MYO1D: variants seen among roughly 807,000 people sequenced by gnomAD.
The protein encoded by MYO1D is unconventional myosin-Id.
Under a neutral mutation model 122.0 loss-of-function variants are expected in MYO1D, and 83 were observed. The observed-to-expected ratio is 0.68, with a 90% CI of 0.57 to 0.82. MYO1D has a LOEUF of 0.82. Among genes scored for constraint, MYO1D ranks in the 40% least tolerant of loss-of-function variants. The probability of loss-of-function intolerance (pLI) is 0.00; values close to 1 mark genes in which losing one functional copy is unlikely to be tolerated. For synonymous variants in MYO1D, 464 were observed against 446.9 expected (o/e 1.04, Z -0.48); for missense variants, 1,157 against 1,269.5 (o/e 0.91, Z 1.35).
chr17:32,734,181 G>A (rs183130338), intron 14 of MYO1D, among the ~76,000 whole-genome samples: 16 of 152,040 alleles, frequency 1.1e-4, no homozygotes, highest in Admixed American at 2.6e-4. Flanking sequence ...TCAGTTATTC[G>A]GATTCTTTAA....
rs74781309 is a variant in MYO1D at position 32,872,191 on chromosome 17, C to G, written c.95+4587G>C. On this transcript the variant is annotated intron_variant, in intron 1 of 21. Transcript: ENST00000318217. ...AAAGAAGGAGCCCTCACAATACAAG[C>G]AGGTTTTGTTATAAAGCAAGGAATA... Among the ~76,000 whole-genome samples the G allele has an allele frequency of 7.7e-4, 118 of 152,334 alleles. 2 individuals carry two copies. The highest frequency in any genetic ancestry group is 7.3e-3 in the East Asian group (38 of 5,190).
chr17:32,748,903 A>C (rs1327491849), intron 12 of MYO1D, 33 bp downstream of exon 12: 1 of 1,569,936 alleles, frequency 6.4e-7, no homozygotes, highest in Admixed American at 1.7e-5. Context: ...GGCGGCATGC[A>C]AATCATGGTA....
chr17:32,818,090 C>T (rs1048838030), intron 1 of MYO1D, among the ~76,000 whole-genome samples: 12 of 125,364 alleles, frequency 9.6e-5, no homozygotes, highest in African/African-American at 3.6e-4. Context: ...CCCGCCACTG[C>T]ACTCCAGCCT....
chr17:32,866,054 TG>T (rs2091121612), intron 1 of MYO1D, among the ~76,000 whole-genome samples: 1 of 152,202 alleles, frequency 6.6e-6, no homozygotes, highest in Non-Finnish European at 1.5e-5. Context: ...ATCACTATAT[TG>T]CCTAGGCTGG....
At chr17:32,799,171 G>A (rs1201081213) in intron 1 of MYO1D, among the ~76,000 whole-genome samples, 1 of 152,124 alleles carries the variant, frequency 6.6e-6, no homozygotes, top group Non-Finnish European at 1.5e-5. Flanking sequence ...AAATGTAGTG[G>A]CAAAGAAAAG....
intron 3 of MYO1D, among the ~76,000 whole-genome samples, chr17:32,777,579 C>T (rs1029035543): frequency 2.0e-5 from 3 of 152,190 alleles, no homozygotes; most frequent in Non-Finnish European, 4.4e-5. Context: ...GGGCCCCAGA[C>T]AGTAGAGATC....
intron 21 of MYO1D, among the ~76,000 whole-genome samples, chr17:32,508,272 T>C (rs1705944800): frequency 6.6e-6 from 1 of 150,988 alleles, no homozygotes; most frequent in Non-Finnish European, 1.5e-5. Flanking sequence ...AGCCACCCAG[T>C]CTATGGTATC....
At chr17:32,587,907 G>GAAA (rs1362208309) in intron 21 of MYO1D, among the ~76,000 whole-genome samples, 1 of 152,202 alleles carries the variant, frequency 6.6e-6, no homozygotes, top group African/African-American at 2.4e-5. Context: ...CTGTTGTTAT[G>GAAA]AAAACAAAAT....
Position 32,548,816 on chromosome 17 carries a change from C to T in MYO1D, c.2865-53901G>A, listed in dbSNP as rs557052008. The stretch of plus-strand genomic sequence containing the variant: ...GCAACCTCTGCCTCCCGGGTTCAAG[C>T]AATACTCCTGCCTCAGCCTCCCAAG... On this transcript the variant is annotated intron_variant, in intron 21 of 21. Transcript: ENST00000318217. Among the ~76,000 whole-genome samples the T allele has an allele frequency of 2.7e-5, 4 of 150,784 alleles. No homozygotes were observed. In the East Asian group the frequency reaches 7.9e-4, roughly 30 times the overall value.
chr17:32,636,767 C>T (rs2088105186), intron 20 of MYO1D, among the ~76,000 whole-genome samples: 1 of 152,216 alleles, frequency 6.6e-6, no homozygotes, highest in African/African-American at 2.4e-5. Flanking sequence ...TTATACCCCA[C>T]ACTTATCACA....
chr17:32,526,276 A>G (rs560065601), intron 21 of MYO1D, among the ~76,000 whole-genome samples: 4 of 152,280 alleles, frequency 2.6e-5, no homozygotes, highest in South Asian at 2.1e-4. Context: ...TATCAGCTCT[A>G]TATTGTTTCG....
chr17:32,868,843 T>G (rs1362474997), intron 1 of MYO1D, among the ~76,000 whole-genome samples: 1 of 152,186 alleles, frequency 6.6e-6, no homozygotes, highest in Non-Finnish European at 1.5e-5. Flanking sequence ...CATGATTCCC[T>G]ATTGGAAGCA....
At chr17:32,767,004 T>A (rs1555539238) in intron 7 of MYO1D, among the ~76,000 whole-genome samples, 1 of 152,230 alleles carries the variant, frequency 6.6e-6, no homozygotes, top group Non-Finnish European at 1.5e-5. Flanking sequence ...CTTGCTATAT[T>A]AAGTGAAAAG....
chr17:32,687,046 C>A (rs1232700064), intron 16 of MYO1D, among the ~76,000 whole-genome samples: 1 of 151,746 alleles, frequency 6.6e-6, no homozygotes, highest in Non-Finnish European at 1.5e-5. Flanking sequence ...CAGGTACTTA[C>A]AAAGTGTTCA....
intron 21 of MYO1D, among the ~76,000 whole-genome samples, chr17:32,578,100 A>G (rs1209486754): frequency 1.3e-5 from 2 of 152,396 alleles, no homozygotes; most frequent in South Asian, 2.1e-4. Context: ...TTTATAAAAC[A>G]TAAGAGATGG....
chr17:32,570,370 A>AT (rs2087212516), intron 21 of MYO1D, among the ~76,000 whole-genome samples: 58 of 151,268 alleles, frequency 3.8e-4, no homozygotes, highest in African/African-American at 1.0e-3. Flanking sequence ...CATTAAAAAA[A>AT]ATTTTTTTTT....
chr17:32,787,598 T>A (rs937955330), intron 1 of MYO1D, among the ~76,000 whole-genome samples: 2 of 152,190 alleles, frequency 1.3e-5, no homozygotes, highest in Admixed American at 6.5e-5. Flanking sequence ...TTTATATTTT[T>A]AGTAGAGACA....
At chr17:32,753,227 A>G (rs1249547025) in intron 11 of MYO1D, among the ~76,000 whole-genome samples, 2 of 146,344 alleles carry the variant, frequency 1.4e-5, no homozygotes, top group African/African-American at 5.1e-5. Context: ...AAAGATGGAA[A>G]TAAGACACTG....
intron 16 of MYO1D, among the ~76,000 whole-genome samples, chr17:32,691,097 T>TA (rs1035851519): frequency 8.6e-5 from 13 of 150,758 alleles, no homozygotes; most frequent in Non-Finnish European, 1.5e-4. Context: ...ACTCATCTCT[T>TA]AAAAAAAAAT....
Sources: allele counts gnomAD v4.1 joint callset (sites outside exome capture counted in the v4.1 genomes callset), GRCh38; gene constraint gnomAD v4.1.1; transcripts MANE v1.5; gene names NCBI Gene and HGNC (gene_info 2026-07-23, HGNC 2026-07-21).